Variants in RBMS3 observed in about 807,000 individuals in gnomAD.
RBMS3 encodes the protein RNA binding motif single stranded interacting protein 3, also known as RNA-binding motif, single-stranded-interacting protein 3.
A neutral mutation model predicts 66.8 loss-of-function variants in RBMS3; 27 were observed. That is an observed-to-expected ratio of 0.40 (90% CI 0.30 to 0.56). The LOEUF (loss-of-function observed/expected upper bound fraction) is 0.56. Ranked by LOEUF, RBMS3 falls within the 20% of genes least tolerant of loss-of-function variation. The pLI is 0.40. For synonymous variants in RBMS3, 188 were observed against 183.0 expected, an observed-to-expected ratio of 1.03 and a Z score of -0.22; for missense variants, 513 against 549.5, an observed-to-expected ratio of 0.93 and a Z score of 0.66.
At chr3:29,362,723 G>T (rs1455453432) in intron 1 of RBMS3, among the ~76,000 whole-genome samples, 1 of 152,170 alleles carries the variant, frequency 6.6e-6, no homozygotes, top group Non-Finnish European at 1.5e-5. Flanking sequence ...TTACTTTTTA[G>T]ATTGAGCCAT....
chr3:29,722,253 A>G (rs905691608), intron 4 of RBMS3, among the ~76,000 whole-genome samples: 7 of 152,226 alleles, frequency 4.6e-5, no homozygotes, highest in East Asian at 1.9e-4. Context: ...CAAAAATACC[A>G]TAATACTTTT....
intron 6 of RBMS3, among the ~76,000 whole-genome samples, chr3:29,809,143 T>C (rs767990268): frequency 6.6e-6 from 1 of 151,930 alleles, no homozygotes; most frequent in South Asian, 2.1e-4. Flanking sequence ...CAAAAGATTG[T>C]TGTGATCTCA....
intron 3 of RBMS3, among the ~76,000 whole-genome samples, chr3:29,491,555 T>C (rs562277392): frequency 1.3e-5 from 2 of 152,222 alleles, no homozygotes; most frequent in East Asian, 3.9e-4. Flanking sequence ...TCTAGTGATA[T>C]GAATACTGGT....
intron 4 of RBMS3, among the ~76,000 whole-genome samples, chr3:29,628,102 G>A (rs1290964969): frequency 2.0e-5 from 3 of 152,126 alleles, no homozygotes; most frequent in Non-Finnish European, 4.4e-5. Flanking sequence ...ACTGATACTA[G>A]CCCTTGTTTT....
chr3:29,744,462 G>A (rs962796008), intron 5 of RBMS3, among the ~76,000 whole-genome samples: 9 of 152,246 alleles, frequency 5.9e-5, no homozygotes, highest in Admixed American at 3.3e-4. Flanking sequence ...TCTTCCTCTA[G>A]GAGTTTACAG....
At chr3:29,823,442 G>C (rs146940578) in intron 6 of RBMS3, among the ~76,000 whole-genome samples, 1 of 152,144 alleles carries the variant, frequency 6.6e-6, no homozygotes, top group Non-Finnish European at 1.5e-5. Context: ...ATCACTTTGA[G>C]TGAATATATC....
intron 4 of RBMS3, among the ~76,000 whole-genome samples, chr3:29,683,194 C>T (rs1358801304): frequency 6.6e-6 from 1 of 152,184 alleles, no homozygotes; most frequent in Non-Finnish European, 1.5e-5. Context: ...TGTGATCTTT[C>T]TCTTCACTGC....
chr3:29,557,501 T>G (rs1429165423), intron 3 of RBMS3, among the ~76,000 whole-genome samples: 1 of 152,182 alleles, frequency 6.6e-6, no homozygotes, highest in African/African-American at 2.4e-5. Flanking sequence ...AAAAGGAGAC[T>G]TAGTAGGAGC....
chr3:29,378,636 T>A (rs1054740705), intron 1 of RBMS3, among the ~76,000 whole-genome samples: 1 of 152,224 alleles, frequency 6.6e-6, no homozygotes, highest in African/African-American at 2.4e-5. Context: ...TAGTATTAGC[T>A]GTTATAAGTA....
intron 14 of RBMS3, among the ~76,000 whole-genome samples, chr3:29,995,966 G>A (rs1372470008): frequency 6.6e-6 from 1 of 152,114 alleles, no homozygotes; most frequent in Non-Finnish European, 1.5e-5. Flanking sequence ...AAAAGACACA[G>A]ACTGGCAAAT....
intron 3 of RBMS3, among the ~76,000 whole-genome samples, chr3:29,558,099 A>T (rs2046422062): frequency 6.6e-6 from 1 of 152,170 alleles, no homozygotes; most frequent in Non-Finnish European, 1.5e-5. Context: ...GGAGGTGCCG[A>T]GGGAGTCCAG....
chr3:29,949,682 A>C (rs1695549823), intron 12 of RBMS3, among the ~76,000 whole-genome samples: 1 of 151,782 alleles, frequency 6.6e-6, no homozygotes, highest in Non-Finnish European at 1.5e-5. Context: ...TTAGTGTTTT[A>C]GTGTGTACAG....
intron 14 of RBMS3, among the ~76,000 whole-genome samples, chr3:29,992,692 T>C (rs1165496846): frequency 6.6e-6 from 1 of 152,188 alleles, no homozygotes; most frequent in Non-Finnish European, 1.5e-5. Flanking sequence ...GCTGGGGATC[T>C]GTAGCCAACA....
intron 3 of RBMS3, among the ~76,000 whole-genome samples, chr3:29,583,279 G>A (rs1443077812): frequency 1.3e-5 from 2 of 152,074 alleles, no homozygotes; most frequent in African/African-American, 4.8e-5. Flanking sequence ...GAAAGGAGGA[G>A]AAGAAGCCAG....
intron 5 of RBMS3, among the ~76,000 whole-genome samples, chr3:29,757,940 C>G (rs548895503): frequency 1.3e-5 from 2 of 152,278 alleles, no homozygotes; most frequent in South Asian, 4.2e-4. Flanking sequence ...TGTCCTGTCT[C>G]ATCAGCCTGC....
At chr3:29,839,502 G>A (rs560727370) in intron 6 of RBMS3, among the ~76,000 whole-genome samples, 15 of 151,892 alleles carry the variant, frequency 9.9e-5, no homozygotes, top group African/African-American at 2.7e-4. Flanking sequence ...GTTTCATAGA[G>A]GTGGACATCT....
At chr3:29,955,492 AT>A (rs1695975314) in intron 12 of RBMS3, among the ~76,000 whole-genome samples, 1 of 151,952 alleles carries the variant, frequency 6.6e-6, no homozygotes, top group South Asian at 2.1e-4. Flanking sequence ...CAGTATATCC[AT>A]TTTCCTTGGA....
chr3:29,745,135 G>A (rs1159346025), intron 5 of RBMS3, among the ~76,000 whole-genome samples: 1 of 152,178 alleles, frequency 6.6e-6, no homozygotes, highest in Non-Finnish European at 1.5e-5. Flanking sequence ...TCAAAGCATT[G>A]ATTTGAATGC....
chr3:29,722,933 T>C (rs1019836561), intron 4 of RBMS3, among the ~76,000 whole-genome samples: 1 of 152,040 alleles, frequency 6.6e-6, no homozygotes, highest in Non-Finnish European at 1.5e-5. Flanking sequence ...TTGATGTACA[T>C]TTCCTAGTTC....
Sources: allele counts gnomAD v4.1 joint callset (sites outside exome capture counted in the v4.1 genomes callset), GRCh38; gene constraint gnomAD v4.1.1; transcripts MANE v1.5; gene names NCBI Gene and HGNC (gene_info 2026-07-23, HGNC 2026-07-21).